Variants in PDE4D observed in about 807,000 individuals in gnomAD.
PDE4D encodes phosphodiesterase 4D, also known as 3',5'-cyclic-AMP phosphodiesterase 4D.
Under a neutral mutation model 87.4 loss-of-function variants are expected in PDE4D, and 24 were observed. The observed-to-expected ratio is 0.27, with a 90% CI of 0.20 to 0.39. The LOEUF is 0.39. PDE4D is among the 10% of genes least tolerant of loss of function. The pLI, the probability that PDE4D is intolerant of heterozygous loss-of-function variation, is 1.00. For synonymous variants in PDE4D, 384 were observed against 383.2 expected (o/e 1.00, Z -0.02); for missense variants, 714 against 1,041.0 (o/e 0.69, Z 4.32).
At chr5:59,646,255 T>C (rs1742422936) in intron 1 of PDE4D, among the ~76,000 whole-genome samples, 1 of 152,198 alleles carries the variant, frequency 6.6e-6, no homozygotes, top group Non-Finnish European at 1.5e-5. Context: ...TCAGTTGGTA[T>C]AAAGCCTGGA....
At position 58,993,430 on chromosome 5, in the gene PDE4D, GA is replaced by G; in HGVS notation, c.956del (p.Leu319ProfsTer4). The stretch of plus-strand genomic sequence containing the variant: ...GATTTCCAGACCGACTCATTTCAGA[GA>G]GATGGGTGAGCTCCCGATTAAGCAT... ...KRMLNRELTH[L>X]SEMSRSGNQV... On this transcript the variant is annotated frameshift_variant, in exon 7 of 15. Coordinates refer to ENST00000340635, the MANE Select transcript of PDE4D (RefSeq NM_001104631.2). LOFTEE classifies it high-confidence loss of function. 1 of 1,601,266 alleles carries G rather than the reference GA, an allele frequency of 6.2e-7. No homozygotes were observed. The highest frequency in any genetic ancestry group is 8.5e-7 in the Non-Finnish European group (1 of 1,174,640).
chr5:60,143,723 C>T (rs939852964), intron 2 of PDE4D, among the ~76,000 whole-genome samples: 1 of 151,200 alleles, frequency 6.6e-6, no homozygotes, highest in Non-Finnish European at 1.5e-5. Flanking sequence ...GGTTGAGAAA[C>T]ACCCAGCAAT....
intron 1 of PDE4D, among the ~76,000 whole-genome samples, chr5:59,664,338 C>T (rs1179265566): frequency 1.3e-5 from 2 of 152,074 alleles, no homozygotes; most frequent in Non-Finnish European, 2.9e-5. Context: ...TGTGATTTAC[C>T]AAGGTGCTAT....
chr5:59,085,049 T>C (rs1040611040), intron 5 of PDE4D, among the ~76,000 whole-genome samples: 2 of 152,136 alleles, frequency 1.3e-5, no homozygotes, highest in African/African-American at 2.4e-5. Flanking sequence ...AGTTTGACAA[T>C]TCTAATTCTA....
At chr5:59,777,197 A>G (rs1764162887) in intron 1 of PDE4D, among the ~76,000 whole-genome samples, 1 of 152,222 alleles carries the variant, frequency 6.6e-6, no homozygotes, top group Non-Finnish European at 1.5e-5. Flanking sequence ...TAGTTCGGGT[A>G]CTGGCTGCCC....
At chr5:60,004,217 G>T (rs1285815989) in intron 2 of PDE4D, among the ~76,000 whole-genome samples, 2 of 152,012 alleles carry the variant, frequency 1.3e-5, no homozygotes, top group Admixed American at 1.3e-4. Flanking sequence ...TCAGCAAAAT[G>T]AAATATTTTC....
chr5:59,215,192 A>G (rs529298789), intron 2 of PDE4D, among the ~76,000 whole-genome samples: 191 of 152,300 alleles, frequency 1.3e-3, no homozygotes, highest in African/African-American at 4.5e-3. Flanking sequence ...TTCAAGCTGT[A>G]CTATATCTTA....
chr5:59,836,989 G>A (rs1481958268), intron 1 of PDE4D, among the ~76,000 whole-genome samples: 2 of 151,572 alleles, frequency 1.3e-5, no homozygotes, highest in Non-Finnish European at 2.9e-5. Context: ...TCATAACGTC[G>A]AGGCATCTTG....
intron 2 of PDE4D, among the ~76,000 whole-genome samples, chr5:60,097,741 G>A (rs1044022883): frequency 7.2e-5 from 11 of 151,956 alleles, no homozygotes; most frequent in African/African-American, 1.4e-4. Flanking sequence ...TATATCCTGT[G>A]TGTGTGTGCA....
intron 1 of PDE4D, among the ~76,000 whole-genome samples, chr5:59,782,013 A>C (rs1245805448): frequency 6.6e-6 from 1 of 152,130 alleles, no homozygotes; most frequent in African/African-American, 2.4e-5. Context: ...GTAGTAAAAC[A>C]CTTAGGAAGG....
intron 11 of PDE4D, among the ~76,000 whole-genome samples, chr5:58,980,419 T>C (rs1744833675): frequency 6.6e-6 from 1 of 152,118 alleles, no homozygotes; most frequent in African/African-American, 2.4e-5. Context: ...CAGTGAACAC[T>C]AAACATGAAC....
rs899615592 is a variant in PDE4D at position 59,300,992 on chromosome 5, A to G, written c.456-85024T>C. Among the ~76,000 whole-genome samples the G allele has an allele frequency of 3.3e-5, 5 of 152,314 alleles. No individual in the cohort carries two copies. The South Asian group carries it at 6.2e-4, about 19-fold the overall frequency. ...ATGTTACCGATTAAGAGATGCATAT[A>G]GGGTGAGGTATGGGGGAAGGGGTGT... On this transcript the variant is annotated intron_variant, in intron 1 of 14. Coordinates refer to ENST00000340635, the MANE Select transcript of PDE4D (RefSeq NM_001104631.2).
chr5:59,789,458 G>A (rs2152643344), intron 1 of PDE4D, among the ~76,000 whole-genome samples: 1 of 152,326 alleles, frequency 6.6e-6, no homozygotes, highest in East Asian at 1.9e-4. Flanking sequence ...CCTGCGTGAT[G>A]TCTACATTCC....
intron 5 of PDE4D, among the ~76,000 whole-genome samples, chr5:59,113,104 C>T (rs1212651475): frequency 1.3e-5 from 2 of 152,160 alleles, no homozygotes; most frequent in African/African-American, 4.8e-5. Flanking sequence ...TCTCTTCCTT[C>T]CACCTTCCCT....
At chr5:59,391,850 ATTCG>A (rs567937924) in intron 1 of PDE4D, among the ~76,000 whole-genome samples, 213 of 151,700 alleles carry the variant, frequency 1.4e-3, no homozygotes, top group African/African-American at 5.0e-3. Context: ...CCACACACAC[ATTCG>A]TTAACCTCTT....
chr5:59,506,315 T>C (rs887603610), intron 1 of PDE4D, among the ~76,000 whole-genome samples: 5 of 152,206 alleles, frequency 3.3e-5, no homozygotes, highest in African/African-American at 7.2e-5. Context: ...TTTCAAGCAT[T>C]AATTTTAATA....
chr5:59,759,711 T>G (rs889418140), intron 1 of PDE4D, among the ~76,000 whole-genome samples: 39 of 152,294 alleles, frequency 2.6e-4, no homozygotes, highest in South Asian at 6.2e-4. Flanking sequence ...CAGACATGGC[T>G]GAAGGTTAGG....
At chr5:59,242,418 G>T (rs932134841) in intron 1 of PDE4D, among the ~76,000 whole-genome samples, 1 of 152,110 alleles carries the variant, frequency 6.6e-6, no homozygotes, top group Non-Finnish European at 1.5e-5. Context: ...AATTCTCTGA[G>T]CAACACCTGC....
At chr5:59,392,311 C>T (rs1001719835) in intron 1 of PDE4D, among the ~76,000 whole-genome samples, 5 of 144,518 alleles carry the variant, frequency 3.5e-5, no homozygotes, top group African/African-American at 1.3e-4. Context: ...AAAGACTGGC[C>T]TAGCCTCCCA....
Sources: allele counts gnomAD v4.1 joint callset (sites outside exome capture counted in the v4.1 genomes callset), GRCh38; gene constraint gnomAD v4.1.1; transcripts MANE v1.5; gene names NCBI Gene and HGNC (gene_info 2026-07-23, HGNC 2026-07-21).